APBA1: variants seen among roughly 807,000 people sequenced by gnomAD.
The protein encoded by APBA1 is amyloid beta precursor protein binding family A member 1.
Under a neutral mutation model 86.6 loss-of-function variants are expected in APBA1, and 55 were observed. The ratio of observed to expected loss-of-function variants is 0.64; its 90% CI spans 0.51 to 0.80. The LOEUF (loss-of-function observed/expected upper bound fraction) is 0.80. Among genes scored for constraint, APBA1 ranks in the 30% least tolerant of loss-of-function variants. The probability of loss-of-function intolerance (pLI) is 0.00; values close to 1 mark genes in which losing one functional copy is unlikely to be tolerated. For missense variants in APBA1, 1,090 were observed against 1,183.0 expected (o/e 0.92, Z 1.15); for synonymous variants, 511 against 493.9 (o/e 1.03, Z -0.46).
chr9:69,433,102 T>C (rs1049847265), intron 11 of APBA1, among the ~76,000 whole-genome samples: 3 of 152,204 alleles, frequency 2.0e-5, no homozygotes, highest in Admixed American at 6.5e-5. Context: ...AGGGTCACGA[T>C]TGCCTGAGCC....
chr9:69,483,042 C>T (rs1016692439), intron 2 of APBA1, among the ~76,000 whole-genome samples: 4 of 148,826 alleles, frequency 2.7e-5, no homozygotes, highest in African/African-American at 5.0e-5. Context: ...GTGGGTGCAG[C>T]GCACCAGCAT....
At chr9:69,485,677 G>A (rs1835597556) in intron 2 of APBA1, among the ~76,000 whole-genome samples, 1 of 152,094 alleles carries the variant, frequency 6.6e-6, no homozygotes, top group African/African-American at 2.4e-5. Flanking sequence ...ACAGTGCGCA[G>A]AGATGACTCA....
chr9:69,656,545 T>C (rs368176720), intron 1 of APBA1, among the ~76,000 whole-genome samples: 27 of 152,300 alleles, frequency 1.8e-4, no homozygotes, highest in East Asian at 9.6e-4. Flanking sequence ...GTCAGAGTAG[T>C]GGTTACCTTT....
intron 1 of APBA1, among the ~76,000 whole-genome samples, chr9:69,551,426 G>A (rs1010112357): frequency 2.6e-5 from 4 of 152,042 alleles, no homozygotes; most frequent in East Asian, 1.9e-4. Context: ...GGTGGCACAC[G>A]CCTGTAATCC....
chr9:69,659,234 A>C (rs765250964), intron 1 of APBA1, among the ~76,000 whole-genome samples: 33 of 152,204 alleles, frequency 2.2e-4, no homozygotes, highest in Non-Finnish European at 3.2e-4. Flanking sequence ...AAAAACCTCC[A>C]GCAGGGAAGG....
chr9:69,540,903 C>G (rs888044366), intron 1 of APBA1, among the ~76,000 whole-genome samples: 1 of 152,170 alleles, frequency 6.6e-6, no homozygotes, highest in East Asian at 1.9e-4. Context: ...CCACGCTCAG[C>G]CTTTGACTAT....
chr9:69,561,483 G>A (rs922442684), intron 1 of APBA1, among the ~76,000 whole-genome samples: 4 of 152,142 alleles, frequency 2.6e-5, no homozygotes, highest in African/African-American at 7.2e-5. Context: ...ACATCAAGTG[G>A]AGAACAAAAT....
At chr9:69,605,021 G>GC (rs1378158688) in intron 1 of APBA1, among the ~76,000 whole-genome samples, 1 of 152,198 alleles carries the variant, frequency 6.6e-6, no homozygotes, top group Non-Finnish European at 1.5e-5. Flanking sequence ...TCTTAAACAT[G>GC]CCAATTCGGT....
chr9:69,473,183 G>A (rs1181770928), intron 3 of APBA1, among the ~76,000 whole-genome samples: 1 of 152,186 alleles, frequency 6.6e-6, no homozygotes, highest in Non-Finnish European at 1.5e-5. Context: ...TAGGGGGAAA[G>A]AGAACTCCAG....
rs1834532837 is a variant in APBA1 at position 69,428,667 on chromosome 9, T to C, written c.*2660A>G. On this transcript the variant is annotated 3_prime_UTR_variant, in exon 13 of 13. Coordinates refer to ENST00000265381, the MANE Select transcript of APBA1 (RefSeq NM_001163.4). The stretch of plus-strand genomic sequence containing the variant: ...TATTTACATGTATAACTATATATAC[T>C]GGGATGACAGAAGGGAAGACCACCA... 1 of 152,192 alleles carries C rather than the reference T, an allele frequency of 6.6e-6. No individual in the cohort carries two copies. Among genetic ancestry groups the C allele is most frequent in the South Asian group, 2.1e-4 (1 of 4,812 alleles). 9.4% of individuals were successfully genotyped at this position (152,192 alleles called of 1,614,324 possible).
In APBA1 at chr9:69,452,234, T is replaced by C. The variant is rs766164171; in HGVS notation, c.1856A>G (p.Asn619Ser). ...GCTGAGATCTTCGGGGTTAATCCCA[T>C]TGGCCCTGAGGAATTCCTGGTATGC... ...SVAYQEFLRA[N>S]GINPEDLSQK... is the part of the protein sequence containing the mutation. Residue 619 changes from asparagine to serine, a missense_variant, in exon 9 of 13, where the codon AAT becomes AGT. By Grantham distance (46) the Asn-to-Ser change is conservative. Coordinates refer to ENST00000265381, the MANE Select transcript of APBA1 (RefSeq NM_001163.4). The C allele has an allele frequency of 4.3e-6, 7 of 1,614,238 alleles. No individual in the cohort carries two copies. The highest frequency in any genetic ancestry group is 2.2e-5 in the East Asian group (1 of 44,878).
At chr9:69,531,826 C>G (rs1836438183) in intron 1 of APBA1, among the ~76,000 whole-genome samples, 1 of 152,172 alleles carries the variant, frequency 6.6e-6, no homozygotes, top group Admixed American at 6.5e-5. Flanking sequence ...GGCAGGAAAG[C>G]ATAGTGGTTA....
chr9:69,564,606 G>GAGT (rs1836996770), intron 1 of APBA1, among the ~76,000 whole-genome samples: 1 of 152,172 alleles, frequency 6.6e-6, no homozygotes, highest in African/African-American at 2.4e-5. Flanking sequence ...GAATTTTGGG[G>GAGT]AGTAAAGAAG....
At chr9:69,531,276 G>A (rs1836429385) in intron 1 of APBA1, among the ~76,000 whole-genome samples, 1 of 151,990 alleles carries the variant, frequency 6.6e-6, no homozygotes. Flanking sequence ...CTTTTCTTTT[G>A]CAGAATAATT....
At chr9:69,519,101 T>C (rs1287686225) in intron 1 of APBA1, among the ~76,000 whole-genome samples, 2 of 152,256 alleles carry the variant, frequency 1.3e-5, no homozygotes, top group East Asian at 1.9e-4. Flanking sequence ...CATTAACTCC[T>C]GAGAACAGCG....
chr9:69,486,395 G>A (rs1305691633), intron 2 of APBA1, among the ~76,000 whole-genome samples: 1 of 152,108 alleles, frequency 6.6e-6, no homozygotes, highest in Non-Finnish European at 1.5e-5. Context: ...TTATTTATTT[G>A]TTCCTTCGAC....
intron 1 of APBA1, among the ~76,000 whole-genome samples, chr9:69,536,382 T>C (rs568668798): frequency 3.3e-5 from 5 of 152,078 alleles, no homozygotes; most frequent in African/African-American, 1.2e-4. Flanking sequence ...ATTAAAGACA[T>C]GATGATGGCC....
chr9:69,473,640 A>G (rs1383373558), intron 3 of APBA1, among the ~76,000 whole-genome samples: 1 of 152,214 alleles, frequency 6.6e-6, no homozygotes, highest in Admixed American at 6.5e-5. Context: ...TACGTATGTA[A>G]CTAACCTGCA....
At chr9:69,495,409 G>A (rs1353186238) in intron 2 of APBA1, among the ~76,000 whole-genome samples, 2 of 152,066 alleles carry the variant, frequency 1.3e-5, no homozygotes, top group African/African-American at 4.8e-5. Flanking sequence ...TGGGCAGCTG[G>A]GCCAGCTCTA....
Sources: gnomAD v4.1 joint callset for allele counts (sites outside exome capture counted in the v4.1 genomes callset) on GRCh38, gnomAD v4.1.1 for gene constraint, MANE v1.5 for transcripts, NCBI Gene and HGNC (gene_info 2026-07-23, HGNC 2026-07-21) for gene names.